Variants in MPP2 observed in about 807,000 individuals in gnomAD.
The protein encoded by MPP2 is MAGUK p55 subfamily member 2.
In MPP2, 42 loss-of-function variants were observed where a neutral mutation model predicts 58.5. That is an observed-to-expected ratio of 0.72 (90% CI 0.56 to 0.93). The LOEUF is 0.93. Ranked by LOEUF, MPP2 falls within the 40% of genes least tolerant of loss-of-function variation. The pLI, the probability that MPP2 is intolerant of heterozygous loss-of-function variation, is 0.00. For synonymous variants in MPP2, 300 were observed against 307.8 expected, an observed-to-expected ratio of 0.97 and a Z score of 0.26; for missense variants, 632 against 760.4, an observed-to-expected ratio of 0.83 and a Z score of 1.99.
upstream of MPP2, chr17:43,909,410 T>C (rs1465171175): frequency 6.1e-6 from 3 of 490,314 alleles, no homozygotes; most frequent in Non-Finnish European, 9.9e-6. Context: ...CCCCTTTCCA[T>C]TATAAAGGCT....
At chr17:43,888,910 A>G (rs1440182614) in intron 3 of MPP2, among the ~76,000 whole-genome samples, 2 of 152,064 alleles carry the variant, frequency 1.3e-5, no homozygotes, top group Non-Finnish European at 2.9e-5. Flanking sequence ...AAAACCAACA[A>G]TTCAGTAGGC....
chr17:43,909,616 C>T, upstream of MPP2: 1 of 1,472,374 alleles, frequency 6.8e-7, no homozygotes, highest in South Asian at 1.4e-5. Flanking sequence ...AGATTCTGGC[C>T]CACCTGGGGA....
intron 2 of MPP2, among the ~76,000 whole-genome samples, chr17:43,903,503 G>A (rs1346762522): frequency 1.3e-5 from 2 of 151,818 alleles, no homozygotes; most frequent in Non-Finnish European, 2.9e-5. Flanking sequence ...AGACCAGCAT[G>A]GGCAACATTT....
rs144325690 is a variant in MPP2, at chr17:43,898,873, G to A, written c.32-493C>T. 3.9e-3 allele frequency among the ~76,000 whole-genome samples: 592 copies of A among 152,334 alleles called. 12 individuals are homozygous for A. Among genetic ancestry groups the A allele is most frequent in the Middle Eastern group, 0.031 (9 of 294 alleles). On this transcript the variant is annotated intron_variant, in intron 2 of 12. Coordinates refer to ENST00000269095, the MANE Select transcript of MPP2 (RefSeq NM_005374.5). ...CTAGCTACTCAGGAGGCTGAGGCAG[G>A]AGAACTGCTTGAACCTGTGAGGCAG...
At chr17:43,906,004 G>T in intron 1 of MPP2, 1 of 740,684 alleles carries the variant, frequency 1.4e-6, no homozygotes, top group Non-Finnish European at 1.6e-6. Context: ...GCTGGCCCGT[G>T]CCCCTGGTGC....
At chr17:43,886,951 CT>C (rs1437195198) in intron 3 of MPP2, among the ~76,000 whole-genome samples, 1 of 151,732 alleles carries the variant, frequency 6.6e-6, no homozygotes, top group Non-Finnish European at 1.5e-5. Context: ...AAAATGTTTT[CT>C]CTCTATTGGG....
At position 43,882,434 on chromosome 17, in the gene MPP2, GCC is replaced by G; in HGVS notation, c.529_530del (p.Gly177ProfsTer6). ...ILHGGMVAQQ[G>X]LLHVGDIIKE... ...TGATGATGTCACCCACATGCAGCAG[GCC>G]TTGTTGAGCCACCATGCCCCCATGC... is the stretch of plus-strand genomic sequence containing the variant. On this transcript the variant is annotated frameshift_variant, in exon 6 of 13. Transcript: ENST00000269095. LOFTEE classifies it high-confidence loss of function. The G allele has an allele frequency of 6.2e-7, 1 of 1,610,260 alleles. No individual in the cohort carries two copies. Among genetic ancestry groups the G allele is most frequent in the Non-Finnish European group, 8.5e-7 (1 of 1,179,962 alleles).
Position 43,883,020 on chromosome 17 carries a change from T to C in MPP2, c.336A>G (p.Ser112=). Residue 112 remains serine (S), a synonymous_variant, in exon 5 of 13, where the codon TCA becomes TCG. Coordinates refer to ENST00000269095, the MANE Select transcript of MPP2 (RefSeq NM_005374.5). ...TGGGGGGTGGTGTCTCATAGGTCTT[T>C]GAGGCCACAGAGTCGTGCGTCTCCA... ...SLLETHDSVA[S]KTYETPPPSP... 6.2e-7 allele frequency: 1 copy of C among 1,613,902 alleles called. No homozygotes were observed. The highest frequency in any genetic ancestry group is 8.5e-7 in the Non-Finnish European group (1 of 1,179,944).
chr17:43,881,097 C>T lies in MPP2; in HGVS notation c.981G>A (p.Lys327=). ...KKKRMMYLTT[K]NAEFDRHELL... is the part of the protein sequence containing the mutation. Reference sequence around the variant, plus strand: ...GGGCGCTCTGATACCCACCTGCATTCTTGGTGGTCAAATACATCATTCGCT... The same window carrying T: ...GGGCGCTCTGATACCCACCTGCATTTTTGGTGGTCAAATACATCATTCGCT... Residue 327 remains lysine (K), a synonymous_variant, in exon 9 of 13, where the codon AAG becomes AAA. Coordinates refer to ENST00000269095, the MANE Select transcript of MPP2 (RefSeq NM_005374.5). The T allele has an allele frequency of 6.2e-7, 1 of 1,613,966 alleles. No homozygotes were observed. The highest frequency in any genetic ancestry group is 1.1e-5 in the South Asian group (1 of 91,062).
intron 3 of MPP2, among the ~76,000 whole-genome samples, chr17:43,892,486 A>T (rs2047648688): frequency 6.6e-6 from 1 of 152,196 alleles, no homozygotes; most frequent in South Asian, 2.1e-4. Flanking sequence ...TGATGAGAGG[A>T]GTGGCAAATT....
At chr17:43,905,101 C>T (rs2048238686) in intron 1 of MPP2, among the ~76,000 whole-genome samples, 1 of 151,844 alleles carries the variant, frequency 6.6e-6, no homozygotes, top group Non-Finnish European at 1.5e-5. Context: ...CTCTTGAGCC[C>T]AGGAGGTCGA....
At chr17:43,902,430 G>A (rs1178258142) in intron 2 of MPP2, among the ~76,000 whole-genome samples, 1 of 152,230 alleles carries the variant, frequency 6.6e-6, no homozygotes, top group East Asian at 1.9e-4. Context: ...AGGCTCAGGG[G>A]TGGGTTTAAT....
rs999036171 is a variant in MPP2, at chr17:43,881,225, G to T, written c.919+19C>A. ...GTTGGATCCCAGATTGGAGGTGTGG[G>T]GTAGGGGGGACCTCCTACCTGAGTT... On this transcript the variant is annotated intron_variant, in intron 8 of 12. Coordinates refer to ENST00000269095, the MANE Select transcript of MPP2 (RefSeq NM_005374.5). The T allele has an allele frequency of 2.2e-5, 36 of 1,613,444 alleles. No homozygotes were observed. The highest frequency in any genetic ancestry group is 2.9e-5 in the Non-Finnish European group (34 of 1,179,540).
intron 12 of MPP2, 83 bp from the exon 13 acceptor site, chr17:43,878,066 T>C: frequency 2.1e-6 from 3 of 1,411,360 alleles, no homozygotes; most frequent in Non-Finnish European, 2.9e-6. Context: ...CTGCCCCCAC[T>C]CCCCCTCCCC....
chr17:43,882,860 C>A, intron 5 of MPP2, 43 bp downstream of exon 5: 1 of 1,611,390 alleles, frequency 6.2e-7, no homozygotes, highest in South Asian at 1.1e-5. Context: ...TCTCAATCCC[C>A]CCACCCTCAC....
intron 1 of MPP2, chr17:43,906,141 G>A (rs2048278138): frequency 1.0e-6 from 1 of 984,532 alleles, no homozygotes; most frequent in Admixed American, 6.1e-5. Context: ...GACTCCAGAA[G>A]TCCTCCTTCC....
chr17:43,895,586 G>A (rs751364432), intron 3 of MPP2, among the ~76,000 whole-genome samples: 17 of 152,044 alleles, frequency 1.1e-4, no homozygotes, highest in Admixed American at 2.0e-4. Context: ...TAGGCTCTGG[G>A]GATACTGCAG....
chr17:43,897,545 A>G (rs1193817287), intron 3 of MPP2, among the ~76,000 whole-genome samples: 1 of 152,098 alleles, frequency 6.6e-6, no homozygotes, highest in African/African-American at 2.4e-5. Context: ...ATGCCCAAGC[A>G]CCCACATACA....
chr17:43,900,329 G>A, intron 2 of MPP2: 2 of 841,230 alleles, frequency 2.4e-6, no homozygotes, highest in Non-Finnish European at 3.6e-6. Flanking sequence ...GGGAGTTGGT[G>A]CCCTCTGCCC....
Sources: gnomAD v4.1 joint callset for allele counts (sites outside exome capture counted in the v4.1 genomes callset) on GRCh38, gnomAD v4.1.1 for gene constraint, MANE v1.5 for transcripts, NCBI Gene and HGNC (gene_info 2026-07-23, HGNC 2026-07-21) for gene names.